Variants in CRYL1 observed in about 807,000 individuals in gnomAD.
The protein encoded by CRYL1 is lambda-crystallin homolog.
In CRYL1, 29 loss-of-function variants were observed where a neutral mutation model predicts 36.6. That is an observed-to-expected ratio of 0.79 (90% CI 0.59 to 1.08). The LOEUF (loss-of-function observed/expected upper bound fraction) is 1.08, where lower values mean the gene tolerates loss of function less well. Ranked by LOEUF, CRYL1 falls within the 50% of genes least tolerant of loss-of-function variation. The probability of loss-of-function intolerance (pLI) is 0.00; values close to 1 mark genes in which losing one functional copy is unlikely to be tolerated. For missense variants in CRYL1, 411 were observed against 407.9 expected, an observed-to-expected ratio of 1.01 and a Z score of -0.06; for synonymous variants, 152 against 151.5, an observed-to-expected ratio of 1.00 and a Z score of -0.02.
chr13:20,525,305 C>CTTAG lies in CRYL1; in HGVS notation c.41+445_41+448dup, dbSNP rs1307709125. On this transcript the variant is annotated intron_variant, in intron 1 of 7. Transcript: ENST00000298248. This position sits in a 1 kb window ranked among gnomAD's most constrained non-coding sequence, Gnocchi z 4.3. ...GTCTCCGTCACTAAACGCCTGTGAC[C>CTTAG]TTAGGTAAACTGCTTAGTCTCAGTA... 6.6e-6 allele frequency among the ~76,000 whole-genome samples: 1 copy of CTTAG among 152,214 alleles called. No homozygotes were observed. Among genetic ancestry groups the CTTAG allele is most frequent in the Middle Eastern group, 3.2e-3 (1 of 316 alleles).
chr13:20,520,775 A>T (rs113660893), intron 1 of CRYL1, among the ~76,000 whole-genome samples: 316 of 152,308 alleles, frequency 2.1e-3, no homozygotes, highest in African/African-American at 7.1e-3. Context: ...GCAGCCTGGG[A>T]TGCACAGAGG....
chr13:20,439,851 T>A, intron 3 of CRYL1, 97 bp from the exon 4 acceptor site: 4 of 1,207,216 alleles, frequency 3.3e-6, no homozygotes, highest in Non-Finnish European at 4.7e-6. Context: ...TGAACCACTT[T>A]GAAAATGATG....
At chr13:20,485,712 G>A (rs1043451185) in intron 3 of CRYL1, among the ~76,000 whole-genome samples, 26 of 151,930 alleles carry the variant, frequency 1.7e-4, no homozygotes, top group Middle Eastern at 6.8e-3. Context: ...GAAAAGAAAT[G>A]TGTAAACATG....
intron 3 of CRYL1, among the ~76,000 whole-genome samples, chr13:20,458,483 A>T (rs1273879881): frequency 1.3e-5 from 2 of 152,232 alleles, no homozygotes; most frequent in Non-Finnish European, 2.9e-5. Context: ...CATACATGCA[A>T]TTCTAAATTT....
intron 3 of CRYL1, among the ~76,000 whole-genome samples, chr13:20,457,061 C>G (rs900365527): frequency 1.3e-5 from 2 of 152,120 alleles, no homozygotes; most frequent in Admixed American, 1.3e-4. Flanking sequence ...AGCTTCCAGT[C>G]CCAGCTTGAG....
At chr13:20,515,435 T>G (rs925845705) in intron 1 of CRYL1, among the ~76,000 whole-genome samples, 4 of 152,088 alleles carry the variant, frequency 2.6e-5, no homozygotes, top group African/African-American at 9.7e-5. Flanking sequence ...TAAGAGTGGA[T>G]GGAGCCAGTA....
Position 20,497,359 on chromosome 13 carries a change from T to C in CRYL1, c.150-7863A>G, listed in dbSNP as rs1305720399. 3.5e-4 allele frequency among the ~76,000 whole-genome samples: 34 copies of C among 98,292 alleles called. 1 individual carries two copies. The highest frequency in any genetic ancestry group is 1.3e-3 in the African/African-American group (31 of 23,210). 64.5% of individuals were successfully genotyped at this position (98,292 alleles called of 152,430 possible). On this transcript the variant is annotated intron_variant, in intron 2 of 7. Transcript: ENST00000298248. ...CACACACACTACACACACACCACCATACACACAACTACACACACCGCATAT... is the reference window on the plus strand; with the variant it reads ...CACACACACTACACACACACCACCACACACACAACTACACACACCGCATAT...
At chr13:20,440,330 C>A (rs567747791) in intron 3 of CRYL1, among the ~76,000 whole-genome samples, 49 of 152,316 alleles carry the variant, frequency 3.2e-4, no homozygotes, top group African/African-American at 1.1e-3. Context: ...GGCCCTCAGC[C>A]ATGAAACTTT....
chr13:20,507,674 T>G (rs1027738750), intron 2 of CRYL1, among the ~76,000 whole-genome samples: 1 of 151,772 alleles, frequency 6.6e-6, no homozygotes, highest in Non-Finnish European at 1.5e-5. Context: ...ATCCCAGCAC[T>G]TTGGGAGGCC....
At chr13:20,459,339 C>A (rs2032760076) in intron 3 of CRYL1, among the ~76,000 whole-genome samples, 1 of 151,928 alleles carries the variant, frequency 6.6e-6, no homozygotes. Flanking sequence ...CCAGCAATCC[C>A]ATTACTGGGT....
rs1444142137 is a variant in CRYL1 at position 20,403,920 on chromosome 13, CA to C, written c.*208del. ...CAGGAAATCGACAGCCCCGAGAACG[CA>C]AGTGCTGCTGTGCCGCCAGGCCCAG... On this transcript the variant is annotated 3_prime_UTR_variant, in exon 8 of 8. Transcript: ENST00000298248. 4.7e-5 allele frequency: 19 copies of C among 404,702 alleles called. No individual in the cohort carries two copies. Among genetic ancestry groups the C allele is most frequent in the Non-Finnish European group, 8.8e-6 (2 of 227,874 alleles). The allele number at this position is 404,702 out of a possible 1,614,324, so 25.1% of individuals were successfully genotyped here.
At chr13:20,436,832 A>G (rs1172710175) in intron 4 of CRYL1, among the ~76,000 whole-genome samples, 3 of 152,196 alleles carry the variant, frequency 2.0e-5, no homozygotes, top group African/African-American at 7.2e-5. Flanking sequence ...TGGCCCAGGC[A>G]GAAATCACTA....
At chr13:20,448,357 G>C (rs1196345606) in intron 3 of CRYL1, among the ~76,000 whole-genome samples, 1 of 138,856 alleles carries the variant, frequency 7.2e-6, no homozygotes, top group African/African-American at 2.5e-5. Context: ...TAAAAGAAAC[G>C]GAATAGGACA....
intron 3 of CRYL1, among the ~76,000 whole-genome samples, chr13:20,461,969 GC>G: frequency 1.6e-5 from 2 of 126,954 alleles, no homozygotes; most frequent in Non-Finnish European, 3.4e-5. Flanking sequence ...AGGTGGGAGG[GC>G]AGCCTGGGGG....
At chr13:20,512,624 G>A in intron 1 of CRYL1, 74 bp from the exon 2 acceptor site, 1 of 1,101,934 alleles carries the variant, frequency 9.1e-7, no homozygotes. Flanking sequence ...CCCAGAATGA[G>A]TTTTTTTTAA....
Position 20,525,445 on chromosome 13 carries a change from AC to A in CRYL1, c.41+308del, listed in dbSNP as rs1391502265. ...TGTGGACCTGCGGGCAGACGCGGCG[AC>A]ATTCAACAGAGTCCAGGAACCGCAG... On this transcript the variant is annotated intron_variant, in intron 1 of 7. Transcript: ENST00000298248. The surrounding 1 kb of genome is among the most constrained non-coding windows in gnomAD (Gnocchi z 4.3). Among the ~76,000 whole-genome samples the A allele has an allele frequency of 1.3e-5, 2 of 152,156 alleles. No homozygotes were observed. The highest frequency in any genetic ancestry group is 2.9e-5 in the Non-Finnish European group (2 of 68,006).
rs1433546822 is a variant in CRYL1 at position 20,409,637 on chromosome 13, A to G, written c.739+3645T>C. Among the ~76,000 whole-genome samples the G allele has an allele frequency of 2.0e-5, 3 of 152,062 alleles. No homozygotes were observed. The East Asian group carries it at 5.8e-4, about 29-fold the overall frequency. ...AAAATTTTCACAACCTACTCATCTGACAAAGGGCTAATATCCAGAATCTAC... is the reference window on the plus strand; with the variant it reads ...AAAATTTTCACAACCTACTCATCTGGCAAAGGGCTAATATCCAGAATCTAC... On this transcript the variant is annotated intron_variant, in intron 6 of 7. Coordinates refer to ENST00000298248, the MANE Select transcript of CRYL1 (RefSeq NM_015974.3).
At chr13:20,431,119 G>A in intron 5 of CRYL1, 1 of 985,360 alleles carries the variant, frequency 1.0e-6, no homozygotes, top group Non-Finnish European at 1.2e-6. Context: ...GCCGCGGGAG[G>A]CCACATCTGT....
intron 2 of CRYL1, among the ~76,000 whole-genome samples, chr13:20,491,502 T>C (rs1265859899): frequency 1.3e-5 from 2 of 152,128 alleles, no homozygotes; most frequent in Non-Finnish European, 2.9e-5. Flanking sequence ...GCTTATAAAG[T>C]TAGTGAGGCC....
Sources: allele counts gnomAD v4.1 joint callset (sites outside exome capture counted in the v4.1 genomes callset), GRCh38; gene constraint gnomAD v4.1.1; non-coding constraint Gnocchi (gnomAD v3.1); transcripts MANE v1.5; gene names NCBI Gene and HGNC (gene_info 2026-07-23, HGNC 2026-07-21).